The following TRIM3 variants were observed in gnomAD, a reference collection of about 807,000 sequenced individuals.
TRIM3 encodes the protein tripartite motif-containing protein 3.
TRIM3 carries 13 observed loss-of-function variants against 66.6 expected under a neutral mutation model. That is an observed-to-expected ratio of 0.20 (90% confidence interval 0.13 to 0.31). TRIM3 has a LOEUF of 0.31. Among genes scored for constraint, TRIM3 ranks in the 10% least tolerant of loss-of-function variants. The pLI, the probability that TRIM3 is intolerant of heterozygous loss-of-function variation, is 1.00. For synonymous variants in TRIM3, 406 were observed against 411.7 expected (o/e 0.99, Z 0.17); for missense variants, 711 against 1,020.4 (o/e 0.70, Z 4.13).
At chr11:6,452,293 C>T (rs1257718082) in intron 7 of TRIM3, 4 of 152,278 alleles carry the variant, frequency 2.6e-5, no homozygotes, top group Non-Finnish European at 5.9e-5. Flanking sequence ...ATCCCAAAAG[C>T]ACCTCCTTTA....
chr11:6,470,181 C>T (rs546939081), intron 1 of TRIM3, among the ~76,000 whole-genome samples: 31 of 152,178 alleles, frequency 2.0e-4, no homozygotes, highest in Admixed American at 9.2e-4. Flanking sequence ...AGGGCAAGGA[C>T]GGAAAATTAA....
intron 2 of TRIM3, among the ~76,000 whole-genome samples, chr11:6,459,435 G>C (rs1003339015): frequency 6.6e-6 from 1 of 152,188 alleles, no homozygotes; most frequent in African/African-American, 2.4e-5. Flanking sequence ...ATGGGGTTGG[G>C]GGGCGAGGGC....
rs536731342 is a variant in TRIM3, at chr11:6,448,876, G to A, written c.*152C>T. 3.4e-6 allele frequency: 3 copies of A among 886,952 alleles called. No individual in the cohort carries two copies. Among genetic ancestry groups the A allele is most frequent in the East Asian group, 2.5e-5 (1 of 40,634 alleles). The allele number at this position is 886,952 out of a possible 1,614,324, so 54.9% of individuals were successfully genotyped here. A position where few individuals can be genotyped will look rare whatever the true frequency, so the allele number is the denominator to read the frequency against. On this transcript the variant is annotated 3_prime_UTR_variant, in exon 12 of 12. Coordinates refer to ENST00000345851, the MANE Select transcript of TRIM3 (RefSeq NM_033278.4). ...ACCGAATAAATAAAGTGCAACCGTG[G>A]GGGTGGGGGTAGGAGAGGGAGGGCA...
rs1849726046 is a variant in TRIM3, at chr11:6,451,679, G to A, written c.1534-241C>T. On this transcript the variant is annotated intron_variant, in intron 7 of 11. Transcript: ENST00000345851. ...ATGGTGAGAAAAGGCTCCAAGAGAA[G>A]AAGATGTCTGAACAAATAGCCTAAT... 32 of 523,476 alleles carry A rather than the reference G, an allele frequency of 6.1e-5. 2 individuals are homozygous for A. In the South Asian group the frequency reaches 7.0e-4, roughly 11 times the overall value. 32.4% of individuals were successfully genotyped at this position (523,476 alleles called of 1,614,324 possible).
rs931318692 is a variant in TRIM3, at chr11:6,458,248, T to A, written c.180A>T (p.Pro60=). 1.2e-6 allele frequency: 2 copies of A among 1,614,202 alleles called. No homozygotes were observed. The highest frequency in any genetic ancestry group is 3.3e-5 in the Admixed American group (2 of 60,030). The change falls in exon 3 of 12, where the codon CCA becomes CCT. Residue 60 remains proline, a synonymous_variant. Transcript: ENST00000345851. This position sits in a 1 kb window ranked among gnomAD's most constrained non-coding sequence, Gnocchi z 6.2. ...IPAQSLTLSC[P]VCRQTSILPE... ...GGAGGATGGACGTCTGCCGGCATAC[T>A]GGACAGGATAGCGTCAGGCTCTGGG... is the stretch of plus-strand genomic sequence containing the variant.
rs973762324 is a variant in TRIM3 at position 6,473,923 on chromosome 11, C to G, written c.-170G>C. 1 of 152,060 alleles carries G rather than the reference C, an allele frequency of 6.6e-6. No individual in the cohort carries two copies. The highest frequency in any genetic ancestry group is 1.5e-5 in the Non-Finnish European group (1 of 68,110). 9.4% of individuals were successfully genotyped at this position (152,060 alleles called of 1,614,324 possible). On this transcript the variant is annotated 5_prime_UTR_variant, in exon 1 of 12. Transcript: ENST00000345851. ...CCGCCTGTCCCCGCGCCGGCGCCGC[C>G]GCCGGACTAGCCGCACAGGCCGGAG...
chr11:6,460,760 A>G (rs1482188030), intron 2 of TRIM3, among the ~76,000 whole-genome samples: 2 of 152,184 alleles, frequency 1.3e-5, no homozygotes, highest in African/African-American at 4.8e-5. Flanking sequence ...CATATCCTCA[A>G]TCTCAACTCT....
intron 2 of TRIM3, among the ~76,000 whole-genome samples, chr11:6,460,990 C>A (rs191161133): frequency 2.4e-4 from 36 of 148,956 alleles, no homozygotes; most frequent in African/African-American, 6.9e-4. Context: ...ACTGCAACCT[C>A]CACCTCCCGG....
At position 6,450,695 on chromosome 11, in the gene TRIM3, T is replaced by C. The variant is rs545988655; in HGVS notation, c.1871-74A>G. The C allele has an allele frequency of 1.9e-3, 2,872 of 1,509,978 alleles. 3 individuals are homozygous for C. The highest frequency in any genetic ancestry group is 2.3e-3 in the Non-Finnish European group (2,527 of 1,086,980). The allele number at this position is 1,509,978 out of a possible 1,614,324, so 93.5% of individuals were successfully genotyped here. A position where few individuals can be genotyped will look rare whatever the true frequency, so the allele number is the denominator to read the frequency against. On this transcript the variant is annotated intron_variant, in intron 9 of 11. Transcript: ENST00000345851. The surrounding 1 kb of genome is among the most constrained non-coding windows in gnomAD (Gnocchi z 4.8). ...GGATGGGGAAGAGTATCTGGGAAGA[T>C]AAAAGCTAGGGTGTTAGGAGAGGGG...
rs763067089 is a variant in TRIM3, at chr11:6,457,002, G to A, written c.724C>T (p.Arg242Cys). 2.2e-5 allele frequency: 35 copies of A among 1,596,186 alleles called. No homozygotes were observed. In the Admixed American group the frequency reaches 5.4e-4, roughly 24 times the overall value. ...KVLQSQLDTL[R>C]QGQEHIGSSC... ...CTGCCGATGTGTTCCTGACCCTGGCGCAGTGTGTCCAGCTGGCTTTGCAAC... is the reference window on the plus strand; with the variant it reads ...CTGCCGATGTGTTCCTGACCCTGGCACAGTGTGTCCAGCTGGCTTTGCAAC... Residue 242 changes from arginine to cysteine, a missense_variant, in exon 6 of 12, where the codon CGC becomes TGC. Transcript: ENST00000345851. The surrounding 1 kb of genome is among the most constrained non-coding windows in gnomAD (Gnocchi z 4.5).
intron 2 of TRIM3, among the ~76,000 whole-genome samples, chr11:6,460,991 C>T (rs113113422): frequency 1.7e-3 from 253 of 147,136 alleles, no homozygotes; most frequent in African/African-American, 6.3e-3. Context: ...CTGCAACCTC[C>T]ACCTCCCGGG....
chr11:6,461,760 C>T (rs1039943018), intron 2 of TRIM3, among the ~76,000 whole-genome samples: 1 of 152,194 alleles, frequency 6.6e-6, no homozygotes, highest in Non-Finnish European at 1.5e-5. Flanking sequence ...CTCACGATAG[C>T]TTCCTAACTG....
Position 6,456,104 on chromosome 11 carries a change from C to T in TRIM3, c.1501G>A (p.Val501Met), listed in dbSNP as rs1589827561. The T allele has an allele frequency of 3.1e-6, 5 of 1,614,168 alleles. No homozygotes were observed. The highest frequency in any genetic ancestry group is 2.2e-5 in the East Asian group (1 of 44,876). Residue 501 changes from valine to methionine, a missense_variant, in exon 7 of 12, where the codon GTG becomes ATG. By Grantham distance (21) the Val-to-Met change is conservative (BLOSUM62 1). Coordinates refer to ENST00000345851, the MANE Select transcript of TRIM3 (RefSeq NM_033278.4). This position sits in a 1 kb window ranked among gnomAD's most constrained non-coding sequence, Gnocchi z 6.4. ...CACTGGTTGTTGCTGTCTGCTACCA[C>T]GATGCGGCCGCTGCTGGCTGCGGAC... ...GVSAASSGRIVVADSNNQCIQ... is the reference protein window; with the variant it reads ...GVSAASSGRIMVADSNNQCIQ...
chr11:6,461,974 C>G (rs1488811573), intron 2 of TRIM3, among the ~76,000 whole-genome samples: 1 of 152,210 alleles, frequency 6.6e-6, no homozygotes. Flanking sequence ...AATTTCACCT[C>G]ATCCCACTTT....
chr11:6,467,340 A>C (rs1479138969), intron 1 of TRIM3, among the ~76,000 whole-genome samples: 2 of 152,184 alleles, frequency 1.3e-5, no homozygotes, highest in East Asian at 3.8e-4. Context: ...AGCATGATAA[A>C]GGTTCTTAGG....
At chr11:6,453,973 C>T (rs7129720) in intron 7 of TRIM3, among the ~76,000 whole-genome samples, 2,038 of 152,118 alleles carry the variant, frequency 0.013, 51 homozygotes, top group African/African-American at 0.047. Flanking sequence ...CTAGCAGTGG[C>T]GACATAGAGG....
intron 1 of TRIM3, among the ~76,000 whole-genome samples, chr11:6,466,111 T>C (rs1850454705): frequency 6.6e-6 from 1 of 152,114 alleles, no homozygotes; most frequent in Non-Finnish European, 1.5e-5. Flanking sequence ...CTACCCTTCA[T>C]CTCCTCTACC....
At chr11:6,455,921 G>C (rs1849945979) in intron 7 of TRIM3, 151 bp downstream of exon 7, 4 of 769,576 alleles carry the variant, frequency 5.2e-6, no homozygotes, top group Admixed American at 4.8e-5. Context: ...GGGTGCGTAA[G>C]GGGTGATCCT....
chr11:6,471,291 A>G (rs1850677618), intron 1 of TRIM3, among the ~76,000 whole-genome samples: 1 of 152,246 alleles, frequency 6.6e-6, no homozygotes, highest in African/African-American at 2.4e-5. Flanking sequence ...TTTGCTTGCT[A>G]AAATAACTCA....
Sources: allele counts gnomAD v4.1 joint callset (sites outside exome capture counted in the v4.1 genomes callset), GRCh38; gene constraint gnomAD v4.1.1; non-coding constraint Gnocchi (gnomAD v3.1); transcripts MANE v1.5; gene names NCBI Gene and HGNC (gene_info 2026-07-23, HGNC 2026-07-21).